The following TTC39B variants were observed in gnomAD, a reference collection of about 807,000 sequenced individuals.
The protein encoded by TTC39B is tetratricopeptide repeat protein 39B.
Under a neutral mutation model 96.6 loss-of-function variants are expected in TTC39B, and 92 were observed. The observed-to-expected ratio is 0.95, with a 90% CI of 0.80 to 1.13. The LOEUF is 1.13. Among genes scored for constraint, TTC39B ranks in the 50% most tolerant of loss-of-function variants. The pLI, the probability that TTC39B is intolerant of heterozygous loss-of-function variation, is 0.00. For synonymous variants in TTC39B, 367 were observed against 299.4 expected (o/e 1.23, Z -2.33); for missense variants, 955 against 809.3 (o/e 1.18, Z -2.18).
intron 2 of TTC39B, among the ~76,000 whole-genome samples, chr9:15,235,712 C>G (rs1821746673): frequency 6.6e-6 from 1 of 152,106 alleles, no homozygotes; most frequent in African/African-American, 2.4e-5. Flanking sequence ...TCCTGCCAAA[C>G]TAAGCTTCAT....
chr9:15,250,225 A>G (rs1185862386), intron 2 of TTC39B: 1 of 1,096,822 alleles, frequency 9.1e-7, no homozygotes, highest in Non-Finnish European at 1.1e-6. Flanking sequence ...TTCTGCAGGA[A>G]GGGATGCCGG....
intron 2 of TTC39B, among the ~76,000 whole-genome samples, chr9:15,227,495 C>T (rs1048083674): frequency 2.0e-5 from 3 of 152,068 alleles, no homozygotes; most frequent in Non-Finnish European, 4.4e-5. Context: ...GTTGTTCTTA[C>T]AAGGGTGGTT....
At chr9:15,198,286 G>A (rs1045506279) in intron 8 of TTC39B, among the ~76,000 whole-genome samples, 17 of 151,938 alleles carry the variant, frequency 1.1e-4, no homozygotes, top group African/African-American at 3.1e-4. Context: ...GTGAAACCCC[G>A]TCTTTACTAA....
intron 1 of TTC39B, among the ~76,000 whole-genome samples, chr9:15,285,786 C>T (rs1002054110): frequency 1.3e-5 from 2 of 151,966 alleles, no homozygotes; most frequent in Non-Finnish European, 2.9e-5. Context: ...ACCCGGGAGG[C>T]GGAGCTTGCA....
chr9:15,218,743 A>C (rs1355995584), intron 3 of TTC39B, among the ~76,000 whole-genome samples: 1 of 152,070 alleles, frequency 6.6e-6, no homozygotes, highest in African/African-American at 2.4e-5. Context: ...AAGCTTGGTT[A>C]CAAAAAAAAC....
chr9:15,200,954 G>A (rs370952353), intron 7 of TTC39B, among the ~76,000 whole-genome samples: 3 of 152,084 alleles, frequency 2.0e-5, no homozygotes, highest in African/African-American at 2.4e-5. Context: ...AGCCAAGATC[G>A]CGCCACTGCA....
chr9:15,199,025 A>G (rs1182698843), intron 8 of TTC39B, among the ~76,000 whole-genome samples: 2 of 152,228 alleles, frequency 1.3e-5, no homozygotes, highest in Admixed American at 1.3e-4. Flanking sequence ...TAAAAGCCTA[A>G]CAACAGAGCT....
At chr9:15,300,278 C>T (rs995724062) in intron 1 of TTC39B, among the ~76,000 whole-genome samples, 2 of 152,188 alleles carry the variant, frequency 1.3e-5, no homozygotes, top group African/African-American at 4.8e-5. Context: ...CCTTAGGGGA[C>T]AGCACCCCTA....
chr9:15,214,044 G>T, intron 4 of TTC39B, 95 bp downstream of exon 4: 1 of 923,832 alleles, frequency 1.1e-6, no homozygotes, highest in Non-Finnish European at 1.6e-6. Flanking sequence ...TCAATATTCA[G>T]ATGGGAACAG....
At chr9:15,183,428 T>C (rs1181000538) in intron 16 of TTC39B, 1 of 371,938 alleles carries the variant, frequency 2.7e-6, no homozygotes, top group African/African-American at 2.2e-5. Flanking sequence ...ATCTGAGACT[T>C]TATGAAAAAC....
chr9:15,211,171 A>T lies in TTC39B; in HGVS notation c.614+95T>A, dbSNP rs1291152519. Reference sequence around the variant, plus strand: ...TTTTCTGTAACTGTGGCCAATTTCAAACACAGAGCTTTTGGTCAGGCAAAT... The same window carrying T: ...TTTTCTGTAACTGTGGCCAATTTCATACACAGAGCTTTTGGTCAGGCAAAT... On this transcript the variant is annotated intron_variant, in intron 5 of 19. Transcript: ENST00000512701. 3.0e-6 allele frequency: 4 copies of T among 1,342,646 alleles called. No individual in the cohort carries two copies. The African/African-American group carries it at 6.0e-5, about 20-fold the overall frequency. 83.2% of individuals were successfully genotyped at this position (1,342,646 alleles called of 1,614,324 possible). A position where few individuals can be genotyped will look rare whatever the true frequency, so the allele number is the denominator to read the frequency against.
intron 3 of TTC39B, among the ~76,000 whole-genome samples, chr9:15,222,142 G>C (rs893595988): frequency 1.4e-4 from 22 of 152,144 alleles, no homozygotes; most frequent in Non-Finnish European, 1.0e-4. Flanking sequence ...AAACTAAGAG[G>C]GATCGTTCCA....
intron 2 of TTC39B, among the ~76,000 whole-genome samples, chr9:15,258,872 C>G (rs1414017671): frequency 1.3e-5 from 2 of 152,146 alleles, no homozygotes; most frequent in African/African-American, 4.8e-5. Flanking sequence ...GTGATGAAAT[C>G]TTGTCACTCC....
intron 2 of TTC39B, among the ~76,000 whole-genome samples, chr9:15,248,562 C>T (rs1822387068): frequency 6.6e-6 from 1 of 152,000 alleles, no homozygotes; most frequent in Admixed American, 6.6e-5. Context: ...CATCATATCC[C>T]CAGAGCCTGG....
At chr9:15,235,709 A>C (rs1256790027) in intron 2 of TTC39B, among the ~76,000 whole-genome samples, 1 of 152,206 alleles carries the variant, frequency 6.6e-6, no homozygotes, top group Non-Finnish European at 1.5e-5. Flanking sequence ...ACATCCTGCC[A>C]AACTAAGCTT....
intron 1 of TTC39B, among the ~76,000 whole-genome samples, chr9:15,276,739 A>T (rs1823558188): frequency 6.6e-6 from 1 of 152,286 alleles, no homozygotes; most frequent in East Asian, 1.9e-4. Flanking sequence ...TCCACCTCTG[A>T]CCCTAGGTGA....
At chr9:15,211,886 G>C (rs1175105894) in intron 4 of TTC39B, among the ~76,000 whole-genome samples, 1 of 152,232 alleles carries the variant, frequency 6.6e-6, no homozygotes, top group Non-Finnish European at 1.5e-5. Flanking sequence ...GGTCACAAGA[G>C]CCATGACCAA....
rs781241228 is a variant in TTC39B at position 15,185,488 on chromosome 9, T to G, written c.1488-82A>C. Reference sequence around the variant, plus strand: ...TGTACCTGTGGTTTTCACAGTGAACTTCACAGACCACCAGCAGCAGCAGCA... The same window carrying G: ...TGTACCTGTGGTTTTCACAGTGAACGTCACAGACCACCAGCAGCAGCAGCA... On this transcript the variant is annotated intron_variant, in intron 15 of 19. Coordinates refer to ENST00000512701, the Ensembl canonical transcript of TTC39B. The G allele has an allele frequency of 1.9e-6, 3 of 1,573,652 alleles. No homozygotes were observed. In the South Asian group the frequency reaches 3.6e-5, roughly 19 times the overall value.
At chr9:15,193,323 C>T (rs1242780333) in intron 8 of TTC39B, among the ~76,000 whole-genome samples, 4 of 152,084 alleles carry the variant, frequency 2.6e-5, no homozygotes, top group African/African-American at 9.7e-5. Context: ...AATATTTAAC[C>T]AAAGAAATAC....
Sources: gnomAD v4.1 joint callset for allele counts (sites outside exome capture counted in the v4.1 genomes callset) on GRCh38, gnomAD v4.1.1 for gene constraint, MANE v1.5 for transcripts, NCBI Gene and HGNC (gene_info 2026-07-23, HGNC 2026-07-21) for gene names.